The following QTGAL variants were observed in gnomAD, a reference collection of about 807,000 sequenced individuals.
QTGAL encodes the protein BGnT-like protein 1.
At chr17:82,977,758 C>A in the QTGAL span, among the ~76,000 whole-genome samples, 195 of 152,232 alleles carry the variant, frequency 1.3e-3, no homozygotes, top group African/African-American at 4.4e-3. Context: ...AGAGGAGAAG[C>A]CGGCTGATTC....
chr17:82,957,969 A>G, the QTGAL span, among the ~76,000 whole-genome samples: 23 of 152,088 alleles, frequency 1.5e-4, no homozygotes, highest in South Asian at 4.6e-3. Context: ...TGCTGTGACA[A>G]GTCGACCCCA....
the QTGAL span, among the ~76,000 whole-genome samples, chr17:82,988,649 A>T: frequency 6.6e-6 from 1 of 152,244 alleles, no homozygotes; most frequent in Non-Finnish European, 1.5e-5. Flanking sequence ...AAGGAACTTA[A>T]CTTTACAAGA....
At chr17:82,994,807 C>T in the QTGAL span, among the ~76,000 whole-genome samples, 5 of 152,052 alleles carry the variant, frequency 3.3e-5, no homozygotes, top group Admixed American at 2.0e-4. Flanking sequence ...ACTAGCAAAC[C>T]GAATTCAACA....
At chr17:82,998,114 G>C in the QTGAL span, among the ~76,000 whole-genome samples, 1 of 151,702 alleles carries the variant, frequency 6.6e-6, no homozygotes, top group South Asian at 2.1e-4. Flanking sequence ...AAAGAATATA[G>C]TTGTATTGTT....
chr17:83,042,187 C>G, the QTGAL span, among the ~76,000 whole-genome samples: 1 of 152,048 alleles, frequency 6.6e-6, no homozygotes, highest in Non-Finnish European at 1.5e-5. Flanking sequence ...GGCAACAGGA[C>G]AAAACCCCCT....
At chr17:83,019,499 G>C in the QTGAL span, among the ~76,000 whole-genome samples, 1 of 152,180 alleles carries the variant, frequency 6.6e-6, no homozygotes, top group Non-Finnish European at 1.5e-5. Context: ...AAAGTCATGG[G>C]GACTGGACGG....
chr17:82,957,972 C>T, the QTGAL span, among the ~76,000 whole-genome samples: 4 of 152,074 alleles, frequency 2.6e-5, no homozygotes, highest in African/African-American at 9.7e-5. Context: ...TGTGACAAGT[C>T]GACCCCAGGC....
chr17:83,025,157 AGACACCGCGGAGTCCACACACG>A, the QTGAL span, among the ~76,000 whole-genome samples: 8,664 of 104,060 alleles, frequency 0.083, 317 homozygotes, highest in Non-Finnish European at 0.11. Flanking sequence ...ACACACACAC[AGACACCGCGGAGTCCACACACG>A]GACACCGCGG....
At chr17:83,047,448 T>A in the QTGAL span, among the ~76,000 whole-genome samples, 7 of 147,732 alleles carry the variant, frequency 4.7e-5, no homozygotes. Flanking sequence ...CTATAATCAA[T>A]CCTTATCAAA....
the QTGAL span, among the ~76,000 whole-genome samples, chr17:83,025,913 G>A: frequency 1.3e-5 from 2 of 152,236 alleles, no homozygotes; most frequent in East Asian, 1.9e-4. Context: ...GTACACACAC[G>A]TACTCGGGGT....
the QTGAL span, among the ~76,000 whole-genome samples, chr17:82,986,739 G>C: frequency 6.6e-6 from 1 of 152,194 alleles, no homozygotes; most frequent in East Asian, 1.9e-4. Flanking sequence ...TTATACTAAG[G>C]TTTCAGTTTT....
At chr17:83,002,861 CGCGTGTGGG>C in the QTGAL span, among the ~76,000 whole-genome samples, 3,181 of 89,536 alleles carry the variant, frequency 0.036, 236 homozygotes, top group African/African-American at 0.12. Context: ...CTCTGCAGTC[CGCGTGTGGG>C]ATTCCTGAGC....
chr17:83,001,239 T>C, the QTGAL span, among the ~76,000 whole-genome samples: 1 of 152,198 alleles, frequency 6.6e-6, no homozygotes, highest in Non-Finnish European at 1.5e-5. Context: ...ATCTGTTAAA[T>C]GAGACCAGGG....
chr17:83,045,135 C>A, the QTGAL span, among the ~76,000 whole-genome samples: 1 of 152,186 alleles, frequency 6.6e-6, no homozygotes, highest in East Asian at 1.9e-4. Context: ...TTGTTTATCC[C>A]CTAGAAATGA....
chr17:82,946,813 G>A, the QTGAL span: 1 of 1,281,640 alleles, frequency 7.8e-7, no homozygotes, highest in Non-Finnish European at 1.1e-6. Context: ...AATAAGAGCA[G>A]AATGAAAAGG....
chr17:83,039,603 CCT>C, the QTGAL span, among the ~76,000 whole-genome samples: 31 of 147,708 alleles, frequency 2.1e-4, 3 homozygotes, highest in Non-Finnish European at 3.3e-4. Flanking sequence ...ACCGCCCGCC[CCT>C]GTTCTAGACA....
chr17:83,013,331 G>T, the QTGAL span, among the ~76,000 whole-genome samples: 1 of 150,446 alleles, frequency 6.6e-6, no homozygotes, highest in African/African-American at 2.4e-5. Flanking sequence ...CCTCCGTGCA[G>T]CCGGCTGCAC....
At chr17:82,947,475 C>T in the QTGAL span, 6,305 of 155,312 alleles carry the variant, frequency 0.041, 177 homozygotes, top group South Asian at 0.093. Context: ...GCTGTGACCC[C>T]GGGTCCCTGG....
At chr17:82,973,357 CT>C in the QTGAL span, among the ~76,000 whole-genome samples, 2 of 152,170 alleles carry the variant, frequency 1.3e-5, no homozygotes, top group Non-Finnish European at 2.9e-5. Flanking sequence ...GGTAAAATCA[CT>C]GAGCTATGAA....
Sources: allele counts gnomAD v4.1 joint callset (sites outside exome capture counted in the v4.1 genomes callset), GRCh38; gene constraint gnomAD v4.1.1; transcripts MANE v1.5; gene names NCBI Gene and HGNC (gene_info 2026-07-23, HGNC 2026-07-21).